The following POFUT3 variants were observed in gnomAD, a reference collection of about 807,000 sequenced individuals.
The protein encoded by POFUT3 is GDP-fucose protein O-fucosyltransferase 3.
At chr8:33,367,115 C>T in the POFUT3 span, among the ~76,000 whole-genome samples, 3 of 152,122 alleles carry the variant, frequency 2.0e-5, no homozygotes, top group African/African-American at 7.2e-5. Flanking sequence ...ATGTTGGGAA[C>T]AAGTCCCCCA....
chr8:33,321,693 G>A, the POFUT3 span, among the ~76,000 whole-genome samples: 1 of 152,076 alleles, frequency 6.6e-6, no homozygotes, highest in African/African-American at 2.4e-5. Context: ...GCTTGTGCCT[G>A]AAGAAAGGAA....
the POFUT3 span, among the ~76,000 whole-genome samples, chr8:33,363,985 C>G: frequency 3.8e-4 from 58 of 152,264 alleles, 2 homozygotes; most frequent in African/African-American, 1.3e-3. Context: ...AATTTTGGAC[C>G]AATATCCCTG....
the POFUT3 span, among the ~76,000 whole-genome samples, chr8:33,308,914 T>C: frequency 1.3e-5 from 2 of 150,394 alleles, no homozygotes; most frequent in African/African-American, 2.4e-5. Context: ...TCGTCCATAG[T>C]CTAGTGAGTG....
the POFUT3 span, among the ~76,000 whole-genome samples, chr8:33,416,830 CAAAAAA>C: frequency 6.1e-4 from 27 of 44,556 alleles, no homozygotes; most frequent in South Asian, 0.011. Flanking sequence ...TGGGCGACGA[CAAAAAA>C]AAAAAAAAAA....
At chr8:33,328,449 G>A in the POFUT3 span, among the ~76,000 whole-genome samples, 4 of 152,152 alleles carry the variant, frequency 2.6e-5, no homozygotes, top group African/African-American at 9.7e-5. Context: ...AGGAAAACAG[G>A]TGGAAAACAG....
the POFUT3 span, among the ~76,000 whole-genome samples, chr8:33,375,218 T>C: frequency 0.021 from 3,213 of 152,054 alleles, 114 homozygotes; most frequent in African/African-American, 0.074. Context: ...CACACATTCT[T>C]GCATGTACCT....
the POFUT3 span, among the ~76,000 whole-genome samples, chr8:33,318,911 A>C: frequency 6.6e-5 from 3 of 45,496 alleles, no homozygotes; most frequent in Non-Finnish European, 9.6e-5. Context: ...TTTTACATAT[A>C]TTTATATAAT....
At chr8:33,447,388 G>GAA in the POFUT3 span, among the ~76,000 whole-genome samples, 6 of 152,048 alleles carry the variant, frequency 3.9e-5, no homozygotes, top group Non-Finnish European at 8.8e-5. Context: ...GGCGGAGCTT[G>GAA]CAGTGAGCCG....
the POFUT3 span, among the ~76,000 whole-genome samples, chr8:33,421,021 A>G: frequency 6.6e-6 from 1 of 152,010 alleles, no homozygotes; most frequent in Non-Finnish European, 1.5e-5. Flanking sequence ...ACTATAGGAA[A>G]GACAGGTGGG....
At chr8:33,390,660 C>G in the POFUT3 span, among the ~76,000 whole-genome samples, 1 of 151,154 alleles carries the variant, frequency 6.6e-6, no homozygotes, top group Admixed American at 6.6e-5. Context: ...GTTAATCAAT[C>G]TTAGTCAAAA....
At chr8:33,309,596 A>G in the POFUT3 span, among the ~76,000 whole-genome samples, 2 of 152,110 alleles carry the variant, frequency 1.3e-5, no homozygotes, top group African/African-American at 2.4e-5. Flanking sequence ...TCATCCATGC[A>G]GTCAGATGAT....
chr8:33,445,412 G>A, the POFUT3 span, among the ~76,000 whole-genome samples: 5 of 152,074 alleles, frequency 3.3e-5, no homozygotes, highest in African/African-American at 1.2e-4. Context: ...AAACTAGTAA[G>A]AATCAACATG....
chr8:33,311,378 T>C, the POFUT3 span, among the ~76,000 whole-genome samples: 1 of 152,170 alleles, frequency 6.6e-6, no homozygotes, highest in African/African-American at 2.4e-5. Context: ...TAGATACATG[T>C]TGAATCAATG....
chr8:33,382,135 T>C, the POFUT3 span, among the ~76,000 whole-genome samples: 1 of 151,842 alleles, frequency 6.6e-6, no homozygotes, highest in Non-Finnish European at 1.5e-5. Flanking sequence ...TGTACAAAAA[T>C]TACAAAAATT....
chr8:33,449,415 G>A, the POFUT3 span, among the ~76,000 whole-genome samples: 1 of 148,102 alleles, frequency 6.8e-6, no homozygotes, highest in African/African-American at 2.5e-5. Flanking sequence ...TCAGCCTACT[G>A]AGTAGCTGGG....
At chr8:33,461,693 G>T in the POFUT3 span, 2 of 1,451,286 alleles carry the variant, frequency 1.4e-6, no homozygotes, top group South Asian at 2.6e-5. Flanking sequence ...AGCAGCTGGA[G>T]ATTTCTCCAA....
the POFUT3 span, among the ~76,000 whole-genome samples, chr8:33,397,186 C>G: frequency 7.2e-5 from 11 of 152,138 alleles, no homozygotes; most frequent in Admixed American, 5.2e-4. Context: ...ATTAGAACTC[C>G]CCAGAATAAG....
At chr8:33,386,188 C>CAAAAAAAAAA in the POFUT3 span, among the ~76,000 whole-genome samples, 215 of 32,044 alleles carry the variant, frequency 6.7e-3, 6 homozygotes, top group East Asian at 0.034. Context: ...GGCTCCATCT[C>CAAAAAAAAAA]AAAAAAAAAA....
the POFUT3 span, among the ~76,000 whole-genome samples, chr8:33,447,153 C>G: frequency 6.6e-6 from 1 of 152,098 alleles, no homozygotes; most frequent in African/African-American, 2.4e-5. Flanking sequence ...TGGAGGACTA[C>G]AACAGTGATT....
Sources: allele counts gnomAD v4.1 joint callset (sites outside exome capture counted in the v4.1 genomes callset), GRCh38; gene constraint gnomAD v4.1.1; transcripts MANE v1.5; gene names NCBI Gene and HGNC (gene_info 2026-07-23, HGNC 2026-07-21).